The following SUMF1 variants were observed in gnomAD, a reference collection of about 807,000 sequenced individuals.
The protein encoded by SUMF1 is formylglycine-generating enzyme.
A neutral mutation model predicts 47.6 loss-of-function variants in SUMF1; 48 were observed. The ratio of observed to expected loss-of-function variants is 1.01; its 90% CI spans 0.80 to 1.28. SUMF1 has a LOEUF of 1.28. SUMF1 is among the 50% of genes most tolerant of loss of function. The pLI, the probability that SUMF1 is intolerant of heterozygous loss-of-function variation, is 0.00. For synonymous variants in SUMF1, 230 were observed against 192.1 expected, an observed-to-expected ratio of 1.20 and a Z score of -1.63; for missense variants, 571 against 485.4, an observed-to-expected ratio of 1.18 and a Z score of -1.66.
At chr3:4,289,773 C>G (rs1390441943) in intron 8 of SUMF1, among the ~76,000 whole-genome samples, 1 of 150,370 alleles carries the variant, frequency 6.7e-6, no homozygotes, top group East Asian at 1.9e-4. Flanking sequence ...ACTAAACGAC[C>G]ATTTAAAATA....
chr3:4,288,279 A>G (rs1697675051), intron 8 of SUMF1, among the ~76,000 whole-genome samples: 1 of 152,232 alleles, frequency 6.6e-6, no homozygotes, highest in African/African-American at 2.4e-5. Context: ...GCATGGACAG[A>G]ATCTCCCTGT....
chr3:4,192,931 G>A (rs1448889795), intron 8 of SUMF1, among the ~76,000 whole-genome samples: 2 of 152,136 alleles, frequency 1.3e-5, no homozygotes, highest in East Asian at 3.8e-4. Context: ...TGACATGTAA[G>A]AACAATGTCT....
intron 8 of SUMF1, among the ~76,000 whole-genome samples, chr3:4,351,403 A>C (rs1323445011): frequency 6.6e-6 from 1 of 152,166 alleles, no homozygotes; most frequent in Admixed American, 6.5e-5. Flanking sequence ...CAGGGGATTT[A>C]ATCTTATCAA....
chr3:4,052,360 C>A (rs1316274397), intron 9 of SUMF1, among the ~76,000 whole-genome samples: 1 of 152,176 alleles, frequency 6.6e-6, no homozygotes, highest in East Asian at 1.9e-4. Context: ...GGCAAGGACA[C>A]AAATATTCAA....
chr3:4,322,543 C>G (rs1307175545), intron 8 of SUMF1, among the ~76,000 whole-genome samples: 1 of 151,872 alleles, frequency 6.6e-6, no homozygotes, highest in East Asian at 1.9e-4. Context: ...GCCTTCAGTC[C>G]AAGCTACTTA....
chr3:4,129,544 G>A, intron 8 of SUMF1, among the ~76,000 whole-genome samples: 1 of 152,094 alleles, frequency 6.6e-6, no homozygotes, highest in East Asian at 1.9e-4. Flanking sequence ...TACAAACCCA[G>A]AACCCCTTGA....
intron 8 of SUMF1, among the ~76,000 whole-genome samples, chr3:4,267,524 T>C (rs1697220657): frequency 6.6e-6 from 1 of 152,212 alleles, no homozygotes; most frequent in South Asian, 2.1e-4. Context: ...GAGGTGTTTG[T>C]AGTATTCTCT....
chr3:4,414,218 C>G (rs1701634068), intron 6 of SUMF1, among the ~76,000 whole-genome samples: 1 of 152,138 alleles, frequency 6.6e-6, no homozygotes, highest in South Asian at 2.1e-4. Flanking sequence ...GTAGTCCCAG[C>G]TACTTGGAAG....
chr3:4,239,146 G>A (rs1696479600), intron 8 of SUMF1, among the ~76,000 whole-genome samples: 1 of 151,976 alleles, frequency 6.6e-6, no homozygotes, highest in Non-Finnish European at 1.5e-5. Flanking sequence ...ATCTGTTTTG[G>A]TACCCGTACC....
Position 4,388,838 on chromosome 3 carries a change from T to A in SUMF1, c.955-12449A>T, listed in dbSNP as rs144809925. On this transcript the variant is annotated intron_variant, in intron 7 of 8. Coordinates refer to ENST00000272902, the MANE Select transcript of SUMF1 (RefSeq NM_182760.4). Reference sequence around the variant, plus strand: ...AAATGTATCAGTCTACTCATGTCATTTTAACAGTTCCAGTGAAGCATCAAA... The same window carrying A: ...AAATGTATCAGTCTACTCATGTCATATTAACAGTTCCAGTGAAGCATCAAA... Among the ~76,000 whole-genome samples the A allele has an allele frequency of 4.5e-3, 685 of 152,250 alleles. 2 individuals are homozygous for A. The highest frequency in any genetic ancestry group is 0.02 in the Middle Eastern group (6 of 294).
chr3:4,167,414 G>C (rs565337194), intron 8 of SUMF1, among the ~76,000 whole-genome samples: 1 of 152,096 alleles, frequency 6.6e-6, no homozygotes, highest in Non-Finnish European at 1.5e-5. Flanking sequence ...TTTATAAAGT[G>C]CTGATTGGTC....
chr3:4,136,508 C>T (rs1006527805), intron 8 of SUMF1, among the ~76,000 whole-genome samples: 10 of 151,976 alleles, frequency 6.6e-5, no homozygotes, highest in African/African-American at 2.4e-4. Context: ...GACCTAAAAC[C>T]ATAAAAACCC....
chr3:4,293,238 T>C (rs1697775761), intron 8 of SUMF1, among the ~76,000 whole-genome samples: 1 of 152,148 alleles, frequency 6.6e-6, no homozygotes, highest in South Asian at 2.1e-4. Context: ...ATATTATATG[T>C]AATATGTTCT....
intron 9 of SUMF1, among the ~76,000 whole-genome samples, chr3:4,048,176 C>G (rs1176996257): frequency 6.6e-6 from 1 of 152,122 alleles, no homozygotes. Flanking sequence ...CAAGTCTGGG[C>G]TCAAATGCTA....
At chr3:4,238,844 T>A (rs1010058523) in intron 8 of SUMF1, among the ~76,000 whole-genome samples, 1 of 152,330 alleles carries the variant, frequency 6.6e-6, no homozygotes, top group Non-Finnish European at 1.5e-5. Flanking sequence ...CATGAAGTAT[T>A]TGCCCATGCC....
intron 8 of SUMF1, among the ~76,000 whole-genome samples, chr3:4,106,677 G>A (rs1693165727): frequency 6.6e-6 from 1 of 152,080 alleles, no homozygotes; most frequent in East Asian, 1.9e-4. Context: ...AAACCCTGGA[G>A]AAATCAGGAA....
chr3:4,227,005 G>T (rs1014575553), intron 8 of SUMF1, among the ~76,000 whole-genome samples: 73 of 152,184 alleles, frequency 4.8e-4, no homozygotes, highest in African/African-American at 1.7e-3. Context: ...TGGAACTTGG[G>T]AGTTTCCATT....
At chr3:4,279,314 C>T (rs919539152) in intron 8 of SUMF1, among the ~76,000 whole-genome samples, 1 of 152,046 alleles carries the variant, frequency 6.6e-6, no homozygotes, top group Non-Finnish European at 1.5e-5. Flanking sequence ...TATAATCTCA[C>T]AATGTAGAAA....
At chr3:4,209,881 G>C (rs1451818938) in intron 8 of SUMF1, among the ~76,000 whole-genome samples, 3 of 152,052 alleles carry the variant, frequency 2.0e-5, no homozygotes, top group African/African-American at 4.8e-5. Context: ...AATATTCATG[G>C]ATTTTAAAAT....
Sources: gnomAD v4.1 joint callset for allele counts (sites outside exome capture counted in the v4.1 genomes callset) on GRCh38, gnomAD v4.1.1 for gene constraint, MANE v1.5 for transcripts, NCBI Gene and HGNC (gene_info 2026-07-23, HGNC 2026-07-21) for gene names.